The following SYN3 variants were observed in gnomAD, a reference collection of about 807,000 sequenced individuals.
The protein encoded by SYN3 is synapsin III.
In SYN3, 35 loss-of-function variants were observed where a neutral mutation model predicts 65.8. That is an observed-to-expected ratio of 0.53 (90% CI 0.41 to 0.70). SYN3 has a LOEUF of 0.70. Among genes scored for constraint, SYN3 ranks in the 30% least tolerant of loss-of-function variants. The pLI is 0.00. For synonymous variants in SYN3, 270 were observed against 292.9 expected (o/e 0.92, Z 0.80); for missense variants, 680 against 749.0 (o/e 0.91, Z 1.08).
At chr22:32,775,653 A>G (rs1050842676) in intron 6 of SYN3, among the ~76,000 whole-genome samples, 26 of 152,176 alleles carry the variant, frequency 1.7e-4, no homozygotes, top group Admixed American at 5.2e-4. Context: ...TAGTATAGCC[A>G]TAAGTCCTTG....
chr22:32,632,048 G>A (rs1401632337), intron 6 of SYN3, among the ~76,000 whole-genome samples: 1 of 152,230 alleles, frequency 6.6e-6, no homozygotes, highest in Non-Finnish European at 1.5e-5. Flanking sequence ...TGCTGAAGGG[G>A]AAGATAGTGG....
In SYN3 at chr22:33,025,251, C is replaced by T. The variant is rs182438498; in HGVS notation, c.-162-18427G>A. The stretch of plus-strand genomic sequence containing the variant: ...ACGGGTGGTCATGAGGTCAGGAGTT[C>T]GAGACCAGCCTGGCCAATATGGTAA... On this transcript the variant is annotated intron_variant, in intron 1 of 13. Coordinates refer to ENST00000358763, the MANE Select transcript of SYN3 (RefSeq NM_003490.4). 1.5e-4 allele frequency among the ~76,000 whole-genome samples: 22 copies of T among 151,594 alleles called. No homozygotes were observed. In the East Asian group the frequency reaches 2.5e-3, roughly 18 times the overall value.
At chr22:32,869,217 T>G in intron 4 of SYN3, 92 bp from the exon 5 acceptor site, 1 of 1,435,832 alleles carries the variant, frequency 7.0e-7, no homozygotes, top group Non-Finnish European at 9.6e-7. Flanking sequence ...TAGCACTGAC[T>G]TGCAGGGCGG....
At chr22:32,790,305 G>A (rs1471244753) in intron 6 of SYN3, among the ~76,000 whole-genome samples, 3 of 152,052 alleles carry the variant, frequency 2.0e-5, no homozygotes, top group African/African-American at 7.2e-5. Context: ...TACCCTGAAA[G>A]CATAAATAAG....
intron 6 of SYN3, among the ~76,000 whole-genome samples, chr22:32,715,547 G>C (rs1465358561): frequency 6.6e-6 from 1 of 152,112 alleles, no homozygotes; most frequent in Non-Finnish European, 1.5e-5. Context: ...TTGGGAGGCC[G>C]AGGTGGGTGG....
At chr22:32,677,779 C>T (rs1024326156) in intron 6 of SYN3, among the ~76,000 whole-genome samples, 13 of 150,378 alleles carry the variant, frequency 8.6e-5, no homozygotes, top group Non-Finnish European at 1.0e-4. Context: ...CCAGCCTGGG[C>T]GACAGAGCAA....
chr22:32,555,645 G>T (rs2058484004), intron 7 of SYN3, among the ~76,000 whole-genome samples: 1 of 152,214 alleles, frequency 6.6e-6, no homozygotes, highest in Non-Finnish European at 1.5e-5. Flanking sequence ...CATAGGTTCA[G>T]AACAGTCACT....
chr22:33,030,074 T>G (rs2053721700), intron 1 of SYN3, among the ~76,000 whole-genome samples: 1 of 152,152 alleles, frequency 6.6e-6, no homozygotes. Flanking sequence ...AAGTTCCCTG[T>G]GCAAACCCAT....
intron 7 of SYN3, among the ~76,000 whole-genome samples, chr22:32,581,792 C>CTT (rs10716395): frequency 9.0e-4 from 76 of 84,232 alleles, no homozygotes; most frequent in Admixed American, 1.2e-3. Flanking sequence ...TTCTTTCTTT[C>CTT]TTTTTTTTTT....
chr22:33,024,134 G>C (rs1033043689), intron 1 of SYN3, among the ~76,000 whole-genome samples: 3 of 152,132 alleles, frequency 2.0e-5, no homozygotes, highest in Non-Finnish European at 2.9e-5. Flanking sequence ...ACTAGGTCTT[G>C]TTGTTTCTCA....
In SYN3 at chr22:32,830,872, A is replaced by C. The variant is rs16991318; in HGVS notation, c.711+34043T>G. 9.5e-3 allele frequency among the ~76,000 whole-genome samples: 1,445 copies of C among 152,300 alleles called. 32 individuals carry two copies. The highest frequency in any genetic ancestry group is 0.034 in the African/African-American group (1,408 of 41,554). On this transcript the variant is annotated intron_variant, in intron 6 of 13. Transcript: ENST00000358763. ...CTGATGGTCTTCGCTGGCACGTAGC[A>C]AAATCCACCCAGAACACCGCGATCT...
intron 3 of SYN3, among the ~76,000 whole-genome samples, chr22:32,959,413 T>C (rs1181478579): frequency 6.6e-6 from 1 of 151,906 alleles, no homozygotes; most frequent in Admixed American, 6.6e-5. Flanking sequence ...AATACAGGTG[T>C]GGTGGTGCAC....
chr22:32,560,051 T>C (rs908953898), intron 7 of SYN3, among the ~76,000 whole-genome samples: 4 of 152,202 alleles, frequency 2.6e-5, no homozygotes, highest in African/African-American at 9.6e-5. Context: ...AAACACACTG[T>C]GCCTGCAGCC....
intron 4 of SYN3, among the ~76,000 whole-genome samples, chr22:32,917,610 G>A (rs772319616): frequency 1.3e-5 from 2 of 152,204 alleles, no homozygotes; most frequent in Non-Finnish European, 2.9e-5. Context: ...GAGTCATTCC[G>A]GGTGTGGCTC....
intron 4 of SYN3, among the ~76,000 whole-genome samples, chr22:32,917,965 C>T (rs1367404859): frequency 6.6e-6 from 1 of 151,766 alleles, no homozygotes; most frequent in Non-Finnish European, 1.5e-5. Context: ...GGGCTTCCCC[C>T]TCCAAGGCTG....
At chr22:32,711,017 T>C (rs943354132) in intron 6 of SYN3, among the ~76,000 whole-genome samples, 4 of 152,202 alleles carry the variant, frequency 2.6e-5, no homozygotes, top group Admixed American at 2.6e-4. Context: ...TTCACTCTTC[T>C]TCTCCTTCCA....
intron 2 of SYN3, among the ~76,000 whole-genome samples, chr22:32,999,548 TG>T (rs1353861341): frequency 6.6e-6 from 1 of 152,124 alleles, no homozygotes; most frequent in African/African-American, 2.4e-5. Context: ...CTGGGCGTGG[TG>T]GCCTGTGCCT....
chr22:32,563,886 C>T (rs2058621477), intron 7 of SYN3, among the ~76,000 whole-genome samples: 1 of 152,114 alleles, frequency 6.6e-6, no homozygotes, highest in South Asian at 2.1e-4. Context: ...TCAGGATGGT[C>T]TCGAACTCCT....
At chr22:32,699,483 G>A (rs1161740977) in intron 6 of SYN3, among the ~76,000 whole-genome samples, 1 of 152,182 alleles carries the variant, frequency 6.6e-6, no homozygotes, top group Non-Finnish European at 1.5e-5. Context: ...CCAAAAGGGA[G>A]AGAGTGGTGG....
Sources: gnomAD v4.1 joint callset for allele counts (sites outside exome capture counted in the v4.1 genomes callset) on GRCh38, gnomAD v4.1.1 for gene constraint, MANE v1.5 for transcripts, NCBI Gene and HGNC (gene_info 2026-07-23, HGNC 2026-07-21) for gene names.